UNC5D: variants seen among roughly 807,000 people sequenced by gnomAD.
UNC5D encodes the protein unc-5 netrin receptor D, also known as netrin receptor UNC5D.
In UNC5D, 39 loss-of-function variants were observed where a neutral mutation model predicts 105.4. The ratio of observed to expected loss-of-function variants is 0.37; its 90% confidence interval spans 0.29 to 0.48. The LOEUF is 0.48. Among genes scored for constraint, UNC5D ranks in the 20% least tolerant of loss-of-function variants. The pLI is 0.98. For synonymous variants in UNC5D, 452 were observed against 450.4 expected (o/e 1.00, Z -0.04); for missense variants, 991 against 1,202.4 (o/e 0.82, Z 2.60).
intron 1 of UNC5D, among the ~76,000 whole-genome samples, chr8:35,427,148 C>G (rs998413716): frequency 6.6e-6 from 1 of 152,142 alleles, no homozygotes; most frequent in Non-Finnish European, 1.5e-5. Context: ...CAGGGTTCCC[C>G]CCAACTACCC....
At chr8:35,469,929 G>T (rs930607916) in intron 1 of UNC5D, among the ~76,000 whole-genome samples, 1 of 152,122 alleles carries the variant, frequency 6.6e-6, no homozygotes, top group Non-Finnish European at 1.5e-5. Flanking sequence ...GGAACTTCTT[G>T]CCCTTCTTCA....
At chr8:35,784,947 T>A (rs1802677110) in intron 16 of UNC5D, among the ~76,000 whole-genome samples, 1 of 152,176 alleles carries the variant, frequency 6.6e-6, no homozygotes, top group South Asian at 2.1e-4. Context: ...AAGATGAGGG[T>A]AGTAAGCATT....
intron 7 of UNC5D, among the ~76,000 whole-genome samples, chr8:35,696,976 C>T (rs1304003273): frequency 6.6e-6 from 1 of 152,036 alleles, no homozygotes; most frequent in East Asian, 1.9e-4. Context: ...TCCTAGGTCC[C>T]AGTTCAGATC....
chr8:35,611,340 T>TTA (rs1820668537), intron 4 of UNC5D, among the ~76,000 whole-genome samples: 1 of 152,170 alleles, frequency 6.6e-6, no homozygotes, highest in African/African-American at 2.4e-5. Flanking sequence ...TCAAAAAGCT[T>TTA]CGTGGCCCCA....
intron 1 of UNC5D, among the ~76,000 whole-genome samples, chr8:35,545,363 G>A (rs1815578570): frequency 6.6e-6 from 1 of 152,136 alleles, no homozygotes; most frequent in Non-Finnish European, 1.5e-5. Flanking sequence ...GTTTCCTGAA[G>A]AATTCAGTTC....
intron 1 of UNC5D, among the ~76,000 whole-genome samples, chr8:35,326,180 G>T (rs1245953265): frequency 6.6e-6 from 1 of 152,174 alleles, no homozygotes; most frequent in Non-Finnish European, 1.5e-5. Context: ...TAAGCGGGCT[G>T]TCCCCTTGAC....
chr8:35,603,985 G>T (rs1213900725), intron 4 of UNC5D, among the ~76,000 whole-genome samples: 1 of 152,192 alleles, frequency 6.6e-6, no homozygotes, highest in Non-Finnish European at 1.5e-5. Flanking sequence ...GATGGGTCTT[G>T]ACTCTTTATC....
chr8:35,741,626 C>T (rs1019705725), intron 11 of UNC5D, among the ~76,000 whole-genome samples: 4 of 152,106 alleles, frequency 2.6e-5, no homozygotes, highest in Non-Finnish European at 4.4e-5. Flanking sequence ...GAACAGTCCC[C>T]GTGTAGTTGG....
chr8:35,687,377 G>C (rs557829429), intron 7 of UNC5D, among the ~76,000 whole-genome samples: 6 of 150,938 alleles, frequency 4.0e-5, no homozygotes, highest in African/African-American at 1.5e-4. Context: ...AGGAGGTGGA[G>C]CTTGCAGTGA....
At chr8:35,636,236 T>C (rs879481403) in intron 4 of UNC5D, among the ~76,000 whole-genome samples, 4 of 152,218 alleles carry the variant, frequency 2.6e-5, no homozygotes, top group Non-Finnish European at 4.4e-5. Context: ...TGATGGGTTT[T>C]GTACCTACCG....
chr8:35,249,556 TC>T (rs1803542051), intron 1 of UNC5D, among the ~76,000 whole-genome samples: 2 of 131,578 alleles, frequency 1.5e-5, no homozygotes, highest in African/African-American at 5.6e-5. Flanking sequence ...AAACTCTGTC[TC>T]AAAATAATAA....
chr8:35,467,589 AAAG>A lies in UNC5D; in HGVS notation c.104-81697_104-81695del, dbSNP rs5890814. On this transcript the variant is annotated intron_variant, in intron 1 of 16. Transcript: ENST00000404895. ...ATGACAGGCAAAAAAAAAAAAAAAA[AAAG>A]AAGAAAAAATCAGACTTGTTTGAGT... Among the ~76,000 whole-genome samples, 41 of 126,242 alleles carry A rather than the reference AAAG, an allele frequency of 3.2e-4. No homozygotes were observed. The East Asian group carries it at 9.2e-3, about 28-fold the overall frequency. 82.8% of individuals were successfully genotyped at this position (126,242 alleles called of 152,430 possible). A position where few individuals can be genotyped will look rare whatever the true frequency, so the allele number is the denominator to read the frequency against.
intron 4 of UNC5D, among the ~76,000 whole-genome samples, chr8:35,679,700 G>A (rs1355869808): frequency 1.3e-5 from 2 of 152,212 alleles, no homozygotes; most frequent in African/African-American, 4.8e-5. Flanking sequence ...GGTCAGAATA[G>A]AAGCCACAGA....
At chr8:35,651,009 T>C (rs1344604736) in intron 4 of UNC5D, among the ~76,000 whole-genome samples, 1 of 152,214 alleles carries the variant, frequency 6.6e-6, no homozygotes, top group Non-Finnish European at 1.5e-5. Context: ...GCTTAGCTTA[T>C]AGAATGTTCC....
chr8:35,603,357 G>A (rs1157496114), intron 4 of UNC5D, among the ~76,000 whole-genome samples: 1 of 152,174 alleles, frequency 6.6e-6, no homozygotes, highest in African/African-American at 2.4e-5. Flanking sequence ...GCAGTTTTGA[G>A]TGAGTTTCTT....
chr8:35,612,809 T>C (rs1410210588), intron 4 of UNC5D, among the ~76,000 whole-genome samples: 1 of 149,076 alleles, frequency 6.7e-6, no homozygotes, highest in Non-Finnish European at 1.5e-5. Flanking sequence ...GAAGGCCTAT[T>C]AATCTTGGGA....
intron 1 of UNC5D, among the ~76,000 whole-genome samples, chr8:35,244,186 A>C (rs1386609112): frequency 6.6e-6 from 1 of 152,196 alleles, no homozygotes; most frequent in Non-Finnish European, 1.5e-5. Context: ...ATTAAGGTTG[A>C]CTTTAGAGAT....
At chr8:35,248,005 T>C (rs1360121262) in intron 1 of UNC5D, among the ~76,000 whole-genome samples, 9 of 29,292 alleles carry the variant, frequency 3.1e-4, no homozygotes, top group Admixed American at 8.2e-4. Flanking sequence ...ATATTATATA[T>C]AAAATATATA....
chr8:35,665,995 T>G (rs925349950), intron 4 of UNC5D, among the ~76,000 whole-genome samples: 9 of 151,918 alleles, frequency 5.9e-5, no homozygotes, highest in Non-Finnish European at 1.3e-4. Flanking sequence ...ATGGTTTTCC[T>G]TCTTGAATGG....
Sources: allele counts gnomAD v4.1 joint callset (sites outside exome capture counted in the v4.1 genomes callset), GRCh38; gene constraint gnomAD v4.1.1; transcripts MANE v1.5; gene names NCBI Gene and HGNC (gene_info 2026-07-23, HGNC 2026-07-21).